MYH15: variants seen among roughly 807,000 people sequenced by gnomAD.
The protein encoded by MYH15 is myosin heavy chain 15, also known as myosin-15.
MYH15 carries 227 observed loss-of-function variants against 240.5 expected under a neutral mutation model. That is an observed-to-expected ratio of 0.94 (90% CI 0.85 to 1.05). The LOEUF (loss-of-function observed/expected upper bound fraction) is 1.05, where lower values mean the gene tolerates loss of function less well. Ranked by LOEUF, MYH15 falls within the 50% of genes least tolerant of loss-of-function variation. The pLI, the probability that MYH15 is intolerant of heterozygous loss-of-function variation, is 0.00. For missense variants in MYH15, 2,217 were observed against 2,247.5 expected (o/e 0.99, Z 0.27); for synonymous variants, 785 against 796.7 (o/e 0.99, Z 0.25).
chr3:108,412,940 C>T (rs983881161), intron 30 of MYH15, among the ~76,000 whole-genome samples: 1 of 152,180 alleles, frequency 6.6e-6, no homozygotes, highest in Non-Finnish European at 1.5e-5. Flanking sequence ...ATTCTATGTC[C>T]CACCAATTTG....
At chr3:108,424,110 A>G (rs940660582) in intron 27 of MYH15, among the ~76,000 whole-genome samples, 1 of 152,204 alleles carries the variant, frequency 6.6e-6, no homozygotes, top group African/African-American at 2.4e-5. Flanking sequence ...ACGGATCTCT[A>G]CAAGACAACT....
intron 27 of MYH15, among the ~76,000 whole-genome samples, chr3:108,424,144 T>C (rs950638755): frequency 1.2e-4 from 18 of 152,096 alleles, no homozygotes; most frequent in Non-Finnish European, 2.2e-4. Context: ...GTGGAAATGG[T>C]AAGAAAAAGA....
chr3:108,441,027 T>C lies in MYH15; in HGVS notation c.2889A>G (p.Thr963=). Residue 963 remains threonine, a synonymous_variant, in exon 23 of 41, where the codon ACA becomes ACG. Coordinates refer to ENST00000693548, the MANE Select transcript of MYH15 (RefSeq NM_014981.3). ...LVKSEKEKRT[T]EHKVKNLTEE... ...ATTATGGAAAAAGTACCTTGTGCTC[T>C]GTAGTACGCTTCTCCTTCTCTGACT... 3 of 1,614,178 alleles carry C rather than the reference T, an allele frequency of 1.9e-6. 1 individual carries two copies. Among genetic ancestry groups the C allele is most frequent in the East Asian group, 4.5e-5 (2 of 44,888 alleles).
At chr3:108,517,468 G>T (rs1018199520) in intron 1 of MYH15, among the ~76,000 whole-genome samples, 1 of 152,158 alleles carries the variant, frequency 6.6e-6, no homozygotes, top group Non-Finnish European at 1.5e-5. Flanking sequence ...AAGTACCTGG[G>T]ATTACAGGTG....
rs200612391 is a variant in MYH15 at position 108,398,636 on chromosome 3, C to T, written c.5133+1G>A. On this transcript the variant is annotated splice_donor_variant, in intron 35 of 40. Transcript: ENST00000693548. LOFTEE classifies it high-confidence loss of function. ...TAATAGGGAGAGTATATGGGCCCCACCTGGGTATAGAAAAGATTGATTCTT... is the reference window on the plus strand; with the variant it reads ...TAATAGGGAGAGTATATGGGCCCCATCTGGGTATAGAAAAGATTGATTCTT... 21 of 1,612,536 alleles carry T rather than the reference C, an allele frequency of 1.3e-5. No individual in the cohort carries two copies. Among genetic ancestry groups the T allele is most frequent in the Non-Finnish European group, 1.6e-5 (19 of 1,180,022 alleles).
intron 24 of MYH15, among the ~76,000 whole-genome samples, chr3:108,439,053 GA>G (rs113630582): frequency 0.094 from 13,305 of 141,554 alleles, 1,301 homozygotes; most frequent in East Asian, 0.53. Context: ...CAGATAAGAA[GA>G]AAAAAAAAAA....
chr3:108,464,807 C>A lies in MYH15; in HGVS notation c.1562G>T (p.Gly521Val). 1 of 1,605,166 alleles carries A rather than the reference C, an allele frequency of 6.2e-7. No individual in the cohort carries two copies. Among genetic ancestry groups the A allele is most frequent in the Non-Finnish European group, 8.5e-7 (1 of 1,177,012 alleles). ...CTCTTCTTCAAGGATGGAAAGGATGCCCATTGGCTGTTGAAGAGACATAAG... is the reference window on the plus strand; with the variant it reads ...CTCTTCTTCAAGGATGGAAAGGATGACCATTGGCTGTTGAAGAGACATAAG... ...ACIDLIEKPMGILSILEEECM... is the reference protein window; with the variant it reads ...ACIDLIEKPMVILSILEEECM... Residue 521 changes from glycine to valine, a missense_variant, in exon 15 of 41, where the codon GGC becomes GTC. Transcript: ENST00000693548.
At position 108,439,889 on chromosome 3, in the gene MYH15, C is replaced by G. The variant is rs372918633; in HGVS notation, c.2923G>C (p.Glu975Gln). 28 of 1,603,520 alleles carry G rather than the reference C, an allele frequency of 1.7e-5. No individual in the cohort carries two copies. In the African/African-American group the frequency reaches 3.5e-4, roughly 20 times the overall value. Residue 975 changes from glutamate to glutamine, a missense_variant, in exon 24 of 41, where the codon GAG becomes CAG. Transcript: ENST00000693548. Reference protein sequence around the residue: ...HKVKNLTEEVEFLNEDISKLN... With the variant: ...HKVKNLTEEVQFLNEDISKLN... Reference sequence around the variant, plus strand: ...TTGCTGATATCCTCATTTAGAAACTCTACTTCCTCAGTCAAGTTCTTGACC... The same window carrying G: ...TTGCTGATATCCTCATTTAGAAACTGTACTTCCTCAGTCAAGTTCTTGACC...
intron 24 of MYH15, among the ~76,000 whole-genome samples, chr3:108,438,029 C>T (rs906312778): frequency 1.3e-5 from 2 of 152,200 alleles, no homozygotes; most frequent in Non-Finnish European, 2.9e-5. Context: ...CGGCTCATTT[C>T]ACGGGTGGAT....
chr3:108,438,692 A>C (rs969370923), intron 24 of MYH15, among the ~76,000 whole-genome samples: 1 of 152,200 alleles, frequency 6.6e-6, no homozygotes, highest in East Asian at 1.9e-4. Context: ...GTCACCCTCC[A>C]TAAACCAGGA....
chr3:108,480,489 C>T (rs932101117), intron 11 of MYH15, among the ~76,000 whole-genome samples: 1 of 152,076 alleles, frequency 6.6e-6, no homozygotes, highest in Non-Finnish European at 1.5e-5. Context: ...GAGCTGTAAG[C>T]AGAGAAATGA....
chr3:108,464,492 A>G, intron 15 of MYH15, 146 bp downstream of exon 15: 3 of 839,326 alleles, frequency 3.6e-6, no homozygotes, highest in South Asian at 3.8e-5. Flanking sequence ...AAAAGGCTAC[A>G]CTACCTTTTT....
chr3:108,453,603 C>T (rs996432972), intron 21 of MYH15, among the ~76,000 whole-genome samples: 1 of 152,078 alleles, frequency 6.6e-6, no homozygotes, highest in Admixed American at 6.6e-5. Flanking sequence ...GTTTCTGACC[C>T]AGGGGAGGTA....
At chr3:108,428,237 A>T (rs1157949584) in intron 27 of MYH15, among the ~76,000 whole-genome samples, 2 of 152,236 alleles carry the variant, frequency 1.3e-5, no homozygotes, top group Non-Finnish European at 2.9e-5. Flanking sequence ...CACTAAAAAA[A>T]TCCATAAGGA....
chr3:108,482,756 C>A (rs1055569686), intron 11 of MYH15, among the ~76,000 whole-genome samples: 3 of 152,132 alleles, frequency 2.0e-5, no homozygotes, highest in African/African-American at 4.8e-5. Context: ...CTCTGCTTTA[C>A]TTCCTTTTTG....
the MYH15 span, among the ~76,000 whole-genome samples, chr3:108,536,426 C>T: frequency 2.0e-5 from 3 of 152,190 alleles, no homozygotes; most frequent in Non-Finnish European, 4.4e-5. Context: ...TTGGCCAAAA[C>T]CATGTCTTGG....
In MYH15 at chr3:108,470,843, G is replaced by A. The variant is rs747495477; in HGVS notation, c.1238C>T (p.Thr413Ile). Residue 413 changes from threonine to isoleucine, a missense_variant, in exon 13 of 41, where the codon ACC becomes ATC. Thr to Ile is a moderately conservative substitution (Grantham distance 89). Coordinates refer to ENST00000693548, the MANE Select transcript of MYH15 (RefSeq NM_014981.3). ...VTRGQTIEQV[T>I]CAVGALSKSM... ...CTTGGACAGGGCACCGACAGCACAG[G>A]TTACCTAGAAATCACATTGAAAACA... 1 of 1,613,002 alleles carries A rather than the reference G, an allele frequency of 6.2e-7. No homozygotes were observed. Among genetic ancestry groups the A allele is most frequent in the South Asian group, 1.1e-5 (1 of 90,944 alleles).
chr3:108,410,918 A>G lies in MYH15; in HGVS notation c.4160T>C (p.Ile1387Thr). ...DLEDAKKELA[I>T]RLQEAAEAMG... ...GGCTTCGGCTGCCTCCTGCAATCTA[A>G]TTGCCAGTTCCTTCCTGAGAAAGGA... Residue 1387 changes from isoleucine to threonine, a missense_variant, in exon 31 of 41, where the codon ATT becomes ACT. By Grantham distance (89) the Ile-to-Thr change is moderately conservative (BLOSUM62 -1). Transcript: ENST00000693548. 1 of 1,599,702 alleles carries G rather than the reference A, an allele frequency of 6.3e-7. No individual in the cohort carries two copies. The highest frequency in any genetic ancestry group is 8.6e-7 in the Non-Finnish European group (1 of 1,168,880).
chr3:108,473,255 C>T (rs1180025192), intron 12 of MYH15, among the ~76,000 whole-genome samples: 1 of 152,130 alleles, frequency 6.6e-6, no homozygotes, highest in Admixed American at 6.5e-5. Flanking sequence ...GTGATCCACC[C>T]GCCTCGGCCT....
Sources: allele counts gnomAD v4.1 joint callset (sites outside exome capture counted in the v4.1 genomes callset), GRCh38; gene constraint gnomAD v4.1.1; transcripts MANE v1.5; gene names NCBI Gene and HGNC (gene_info 2026-07-23, HGNC 2026-07-21).